The following CNTN4 variants were observed in gnomAD, a reference collection of about 807,000 sequenced individuals.
The protein encoded by CNTN4 is contactin 4, also known as contactin-4.
In CNTN4, 77 loss-of-function variants were observed where a neutral mutation model predicts 122.5. The observed-to-expected ratio is 0.63, with a 90% confidence interval of 0.52 to 0.76. CNTN4 has a LOEUF of 0.76. Ranked by LOEUF, CNTN4 falls within the 30% of genes least tolerant of loss-of-function variation. The pLI, the probability that CNTN4 is intolerant of heterozygous loss-of-function variation, is 0.00. For missense variants in CNTN4, 1,256 were observed against 1,259.1 expected, an observed-to-expected ratio of 1.00 and a Z score of 0.04; for synonymous variants, 512 against 447.0, an observed-to-expected ratio of 1.15 and a Z score of -1.83.
At chr3:2,108,154 A>C (rs1461851253) in intron 2 of CNTN4, among the ~76,000 whole-genome samples, 1 of 139,566 alleles carries the variant, frequency 7.2e-6, no homozygotes, top group African/African-American at 2.7e-5. Flanking sequence ...GGAACTTTTC[A>C]TGTGCCTTTT....
At chr3:2,430,189 C>G (rs1427658554) in intron 3 of CNTN4, among the ~76,000 whole-genome samples, 1 of 151,962 alleles carries the variant, frequency 6.6e-6, no homozygotes, top group East Asian at 1.9e-4. Flanking sequence ...TTTGGGAGGC[C>G]GAGGCGGGTG....
chr3:2,590,425 T>G (rs1190542686), intron 4 of CNTN4, among the ~76,000 whole-genome samples: 1 of 151,956 alleles, frequency 6.6e-6, no homozygotes, highest in Non-Finnish European at 1.5e-5. Context: ...TCCAGCTAAT[T>G]TTTGTATTTT....
intron 5 of CNTN4, among the ~76,000 whole-genome samples, chr3:2,743,010 C>T (rs1294776140): frequency 6.6e-6 from 1 of 152,002 alleles, no homozygotes; most frequent in Non-Finnish European, 1.5e-5. Context: ...TAAAAGCAGG[C>T]GATAAAGTAG....
chr3:2,381,536 A>G (rs913965566), intron 3 of CNTN4, among the ~76,000 whole-genome samples: 1 of 152,176 alleles, frequency 6.6e-6, no homozygotes, highest in Non-Finnish European at 1.5e-5. Flanking sequence ...GCATTAATAA[A>G]TCTGAAGTCA....
chr3:2,219,664 T>C (rs190754467), intron 2 of CNTN4, among the ~76,000 whole-genome samples: 229 of 152,320 alleles, frequency 1.5e-3, no homozygotes, highest in Non-Finnish European at 1.3e-3. Context: ...ATAATGGCTT[T>C]ATTTTTGTTT....
chr3:2,615,968 T>C lies in CNTN4; in HGVS notation c.55+44410T>C, dbSNP rs571184363. Among the ~76,000 whole-genome samples, 107 of 151,490 alleles carry C rather than the reference T, an allele frequency of 7.1e-4. 1 individual carries two copies. The highest frequency in any genetic ancestry group is 1.2e-3 in the Admixed American group (19 of 15,230). Reference sequence around the variant, plus strand: ...TTTTAAAATACCATAAATTCCTCTTTAATTACAGTAGATTATTTGGCAAAA... The same window carrying C: ...TTTTAAAATACCATAAATTCCTCTTCAATTACAGTAGATTATTTGGCAAAA... On this transcript the variant is annotated intron_variant, in intron 4 of 24. Transcript: ENST00000418658.
At chr3:2,888,954 C>G (rs1322907501) in intron 10 of CNTN4, among the ~76,000 whole-genome samples, 1 of 151,856 alleles carries the variant, frequency 6.6e-6, no homozygotes, top group African/African-American at 2.4e-5. Context: ...CGCTTCCTAG[C>G]CTGTCAGAAT....
intron 3 of CNTN4, among the ~76,000 whole-genome samples, chr3:2,501,237 T>C (rs914128884): frequency 6.6e-6 from 1 of 152,194 alleles, no homozygotes; most frequent in East Asian, 1.9e-4. Context: ...GTTTGTCTAG[T>C]TTTTGTGTTA....
rs151299504 is a variant in CNTN4 at position 2,555,320 on chromosome 3, G to A, written c.-88-16096G>A. ...CTCCTGCTGACAATTTGAGCCGTTG[G>A]CCTTATTCTGCTTTTTCCTCGGTAA... On this transcript the variant is annotated intron_variant, in intron 3 of 24. Coordinates refer to ENST00000418658, the MANE Select transcript of CNTN4 (RefSeq NM_175607.3). Among the ~76,000 whole-genome samples the A allele has an allele frequency of 4.6e-3, 700 of 152,210 alleles. 10 individuals carry two copies. The highest frequency in any genetic ancestry group is 0.016 in the African/African-American group (659 of 41,530).
intron 3 of CNTN4, among the ~76,000 whole-genome samples, chr3:2,485,377 G>C (rs1163074131): frequency 2.6e-5 from 4 of 152,252 alleles, no homozygotes; most frequent in Non-Finnish European, 4.4e-5. Flanking sequence ...CTGGGCTCCT[G>C]AGTCTAGTGG....
intron 2 of CNTN4, among the ~76,000 whole-genome samples, chr3:2,326,230 CT>C (rs1201366772): frequency 1.3e-5 from 2 of 152,174 alleles, no homozygotes; most frequent in African/African-American, 4.8e-5. Flanking sequence ...CCTGTCCCTA[CT>C]ACCTTTGAAC....
chr3:2,999,586 T>C (rs1695845501), intron 14 of CNTN4, among the ~76,000 whole-genome samples: 1 of 152,124 alleles, frequency 6.6e-6, no homozygotes, highest in South Asian at 2.1e-4. Flanking sequence ...ATACTGCATC[T>C]TCCAGAGGGG....
intron 7 of CNTN4, among the ~76,000 whole-genome samples, chr3:2,846,296 T>C (rs921599862): frequency 6.6e-6 from 1 of 152,180 alleles, no homozygotes; most frequent in African/African-American, 2.4e-5. Context: ...GTTCTCATGA[T>C]AGTGAGTGAA....
chr3:2,509,547 C>T (rs1435101917), intron 3 of CNTN4, among the ~76,000 whole-genome samples: 1 of 152,104 alleles, frequency 6.6e-6, no homozygotes, highest in East Asian at 1.9e-4. Context: ...TATTCGAGGG[C>T]ATGGATCTGT....
chr3:2,256,774 T>G (rs1190595445), intron 2 of CNTN4, among the ~76,000 whole-genome samples: 1 of 152,088 alleles, frequency 6.6e-6, no homozygotes, highest in Non-Finnish European at 1.5e-5. Flanking sequence ...AAACCACTGC[T>G]CAAGGAAATA....
At chr3:2,695,348 G>A (rs1442618526) in intron 4 of CNTN4, among the ~76,000 whole-genome samples, 2 of 152,128 alleles carry the variant, frequency 1.3e-5, no homozygotes, top group Non-Finnish European at 1.5e-5. Flanking sequence ...GGAGCCTCCA[G>A]AACCAAGTAA....
chr3:2,863,495 G>A (rs1302861019), intron 7 of CNTN4, among the ~76,000 whole-genome samples: 1 of 65,048 alleles, frequency 1.5e-5, no homozygotes. Context: ...CTGTTATATT[G>A]TTATTACAAT....
intron 13 of CNTN4, among the ~76,000 whole-genome samples, chr3:2,984,769 C>T (rs1273152816): frequency 6.6e-6 from 1 of 152,174 alleles, no homozygotes; most frequent in Middle Eastern, 3.2e-3. Context: ...AGAGTCATCT[C>T]ACCCCTCAGA....
intron 4 of CNTN4, among the ~76,000 whole-genome samples, chr3:2,674,090 C>A (rs754187989): frequency 6.6e-6 from 1 of 152,134 alleles, no homozygotes; most frequent in Non-Finnish European, 1.5e-5. Flanking sequence ...ATGAAAGAAC[C>A]ATGAGAAATA....
Sources: gnomAD v4.1 joint callset for allele counts (sites outside exome capture counted in the v4.1 genomes callset) on GRCh38, gnomAD v4.1.1 for gene constraint, MANE v1.5 for transcripts, NCBI Gene and HGNC (gene_info 2026-07-23, HGNC 2026-07-21) for gene names.